The following LDLRAD3 variants were observed in gnomAD, a reference collection of about 807,000 sequenced individuals.
The protein encoded by LDLRAD3 is low-density lipoprotein receptor class A domain-containing protein 3.
LDLRAD3 carries 20 observed loss-of-function variants against 29.4 expected under a neutral mutation model. The observed-to-expected ratio is 0.68, with a 90% CI of 0.48 to 0.99. The LOEUF (loss-of-function observed/expected upper bound fraction) is 0.99, where lower values mean the gene tolerates loss of function less well. Among genes scored for constraint, LDLRAD3 ranks in the 50% least tolerant of loss-of-function variants. The pLI is 0.00. For synonymous variants in LDLRAD3, 157 were observed against 192.7 expected (o/e 0.81, Z 1.53); for missense variants, 420 against 454.3 (o/e 0.92, Z 0.69).
intron 4 of LDLRAD3, among the ~76,000 whole-genome samples, chr11:36,174,979 T>C (rs11500307): frequency 0.02 from 2,986 of 151,128 alleles, 101 homozygotes; most frequent in African/African-American, 0.069. Flanking sequence ...AGACTCCGTC[T>C]CAAAAAAAAA....
intron 4 of LDLRAD3, among the ~76,000 whole-genome samples, chr11:36,161,420 TAGC>T (rs1854438152): frequency 6.6e-6 from 1 of 152,182 alleles, no homozygotes; most frequent in African/African-American, 2.4e-5. Flanking sequence ...CTTTTACAAA[TAGC>T]AGACAGGCCA....
intron 4 of LDLRAD3, among the ~76,000 whole-genome samples, chr11:36,104,114 C>T (rs1853491059): frequency 6.6e-6 from 1 of 152,218 alleles, no homozygotes; most frequent in Non-Finnish European, 1.5e-5. Flanking sequence ...CCCTCGCTGG[C>T]TAGCTCTCTC....
chr11:35,966,654 G>C (rs1851345629), intron 1 of LDLRAD3, among the ~76,000 whole-genome samples: 1 of 112,690 alleles, frequency 8.9e-6, no homozygotes, highest in African/African-American at 5.2e-5. Flanking sequence ...TCTCCATCCA[G>C]CGTTTTTGTT....
At chr11:36,054,246 C>T (rs1304909147) in intron 2 of LDLRAD3, among the ~76,000 whole-genome samples, 1 of 152,166 alleles carries the variant, frequency 6.6e-6, no homozygotes, top group Non-Finnish European at 1.5e-5. Flanking sequence ...TTTTCTCCCA[C>T]CAACCGGCAA....
chr11:36,034,431 G>T (rs970630845), intron 1 of LDLRAD3, among the ~76,000 whole-genome samples: 1 of 152,190 alleles, frequency 6.6e-6, no homozygotes, highest in Non-Finnish European at 1.5e-5. Flanking sequence ...TTGAGGAGGG[G>T]ACAAGGGAGA....
At chr11:36,186,146 T>C (rs1854844784) in intron 4 of LDLRAD3, among the ~76,000 whole-genome samples, 1 of 152,214 alleles carries the variant, frequency 6.6e-6, no homozygotes, top group South Asian at 2.1e-4. Flanking sequence ...ACTATCACTT[T>C]TTAATTCTAT....
At chr11:36,122,039 G>A (rs1478299618) in intron 4 of LDLRAD3, among the ~76,000 whole-genome samples, 3 of 152,172 alleles carry the variant, frequency 2.0e-5, no homozygotes, top group Non-Finnish European at 4.4e-5. Context: ...CAATGGGATA[G>A]GCATGAGGTC....
chr11:36,135,773 G>A (rs189781494), intron 4 of LDLRAD3, among the ~76,000 whole-genome samples: 53 of 152,242 alleles, frequency 3.5e-4, no homozygotes, highest in Middle Eastern at 3.4e-3. Context: ...AGTTGGGTGT[G>A]GTGGTGCACA....
intron 1 of LDLRAD3, among the ~76,000 whole-genome samples, chr11:35,965,871 A>T (rs1458917191): frequency 6.6e-6 from 1 of 152,204 alleles, no homozygotes; most frequent in East Asian, 1.9e-4. Context: ...AACAGGTTGC[A>T]TTCATTAAGA....
intron 4 of LDLRAD3, among the ~76,000 whole-genome samples, chr11:36,121,336 G>C (rs1341832636): frequency 2.6e-5 from 4 of 152,160 alleles, no homozygotes; most frequent in Non-Finnish European, 4.4e-5. Flanking sequence ...GGTAGGAAAA[G>C]GGGAGGAGGG....
At chr11:36,181,456 A>C (rs1035385014) in intron 4 of LDLRAD3, among the ~76,000 whole-genome samples, 3 of 152,064 alleles carry the variant, frequency 2.0e-5, no homozygotes, top group African/African-American at 7.2e-5. Context: ...GCAGATGAGG[A>C]AACAGAGTCA....
intron 4 of LDLRAD3, among the ~76,000 whole-genome samples, chr11:36,192,072 A>G (rs1423904915): frequency 1.3e-5 from 2 of 152,234 alleles, no homozygotes; most frequent in African/African-American, 4.8e-5. Context: ...AAAATAGTAG[A>G]AAATGACTAC....
In LDLRAD3 at chr11:36,085,778, A is replaced by AT. The variant is rs796343049; in HGVS notation, c.319+4010dup. Among the ~76,000 whole-genome samples, 12 of 148,104 alleles carry AT rather than the reference A, an allele frequency of 8.1e-5. No individual in the cohort carries two copies. In the South Asian group the frequency reaches 8.6e-4, roughly 11 times the overall value. ...AGGCATGCACCACCATGCCTGGCTAATTTTTTTTTTATTGTATTTTTTGTA... is the reference window on the plus strand; with the variant it reads ...AGGCATGCACCACCATGCCTGGCTAATTTTTTTTTTTATTGTATTTTTTGTA... On this transcript the variant is annotated intron_variant, in intron 3 of 5. Transcript: ENST00000315571.
Position 36,167,143 on chromosome 11 carries a change from G to A in LDLRAD3, c.455-59942G>A, listed in dbSNP as rs143133394. Among the ~76,000 whole-genome samples the A allele has an allele frequency of 3.0e-3, 457 of 152,282 alleles. 2 individuals carry two copies. The highest frequency in any genetic ancestry group is 0.011 in the African/African-American group (441 of 41,548). ...GGCTAGCTAGTCCAAAATCTGCAGG[G>A]CAGGTCAGCAAGCTGGAGACCAAGA... On this transcript the variant is annotated intron_variant, in intron 4 of 5. Transcript: ENST00000315571.
chr11:36,080,981 G>A (rs113689913), intron 2 of LDLRAD3, among the ~76,000 whole-genome samples: 1 of 151,464 alleles, frequency 6.6e-6, no homozygotes, highest in African/African-American at 2.5e-5. Context: ...CCTCCCAGAA[G>A]TAAGGAAAGC....
chr11:36,208,535 C>T lies in LDLRAD3; in HGVS notation c.455-18550C>T, dbSNP rs1030424626. Among the ~76,000 whole-genome samples, 3 of 152,346 alleles carry T rather than the reference C, an allele frequency of 2.0e-5. No individual in the cohort carries two copies. The East Asian group carries it at 5.8e-4, about 29-fold the overall frequency. Reference sequence around the variant, plus strand: ...CCCAATCCCATTCCTGAGGAGAGAGCCTTCCTGGCCTGATCGCCCTTAAAT... The same window carrying T: ...CCCAATCCCATTCCTGAGGAGAGAGTCTTCCTGGCCTGATCGCCCTTAAAT... On this transcript the variant is annotated intron_variant, in intron 4 of 5. Coordinates refer to ENST00000315571, the MANE Select transcript of LDLRAD3 (RefSeq NM_174902.4).
chr11:36,220,835 T>C (rs1855416426), intron 4 of LDLRAD3, among the ~76,000 whole-genome samples: 1 of 152,200 alleles, frequency 6.6e-6, no homozygotes, highest in South Asian at 2.1e-4. Flanking sequence ...CTGTTTCATT[T>C]TGTCAGAATT....
At chr11:36,003,589 T>C (rs1851850629) in intron 1 of LDLRAD3, among the ~76,000 whole-genome samples, 1 of 152,212 alleles carries the variant, frequency 6.6e-6, no homozygotes, top group Admixed American at 6.5e-5. Flanking sequence ...TTAGTTCAGC[T>C]TAGATTACAT....
intron 4 of LDLRAD3, among the ~76,000 whole-genome samples, chr11:36,180,968 G>A (rs1854753500): frequency 1.3e-5 from 2 of 152,154 alleles, no homozygotes; most frequent in African/African-American, 2.4e-5. Flanking sequence ...AGATGGGGCA[G>A]GGGCACACAT....
Sources: allele counts gnomAD v4.1 joint callset (sites outside exome capture counted in the v4.1 genomes callset), GRCh38; gene constraint gnomAD v4.1.1; transcripts MANE v1.5; gene names NCBI Gene and HGNC (gene_info 2026-07-23, HGNC 2026-07-21).